The following FAM13A variants were observed in gnomAD, a reference collection of about 807,000 sequenced individuals.
FAM13A encodes family with sequence similarity 13 member A.
FAM13A carries 76 observed loss-of-function variants against 129.6 expected under a neutral mutation model. The observed-to-expected ratio is 0.59, with a 90% CI of 0.49 to 0.71. The LOEUF is 0.71. Ranked by LOEUF, FAM13A falls within the 30% of genes least tolerant of loss-of-function variation. FAM13A has a pLI of 0.00. For synonymous variants in FAM13A, 443 were observed against 449.9 expected, an observed-to-expected ratio of 0.98 and a Z score of 0.20; for missense variants, 1,108 against 1,249.3, an observed-to-expected ratio of 0.89 and a Z score of 1.70.
chr4:88,963,103 C>T (rs1324826848), intron 4 of FAM13A, among the ~76,000 whole-genome samples: 1 of 151,916 alleles, frequency 6.6e-6, no homozygotes, highest in African/African-American at 2.4e-5. Context: ...AAGCAAGTAT[C>T]ATTTTTATGA....
chr4:88,976,668 G>GTACAGTGTTTATAAAGCT (rs147022152), intron 4 of FAM13A, among the ~76,000 whole-genome samples: 3 of 150,538 alleles, frequency 2.0e-5, no homozygotes, highest in Admixed American at 6.6e-5. Flanking sequence ...TAGCCTAAGT[G>GTACAGTGTTTATAAAGCT]TACAGTAGTG....
intron 1 of FAM13A, among the ~76,000 whole-genome samples, chr4:89,052,873 G>A (rs925548931): frequency 6.6e-6 from 1 of 152,102 alleles, no homozygotes; most frequent in African/African-American, 2.4e-5. Flanking sequence ...CCATATGCCA[G>A]TCAGGAGAAA....
intron 6 of FAM13A, among the ~76,000 whole-genome samples, chr4:88,892,534 C>T (rs1745531882): frequency 6.6e-6 from 1 of 152,188 alleles, no homozygotes; most frequent in South Asian, 2.1e-4. Flanking sequence ...CAACTACTTT[C>T]ATACAAAATA....
chr4:88,862,239 TA>T (rs753291670), intron 6 of FAM13A, among the ~76,000 whole-genome samples: 2 of 152,236 alleles, frequency 1.3e-5, no homozygotes, highest in Non-Finnish European at 2.9e-5. Context: ...AATGTATTTT[TA>T]TATAATGTAT....
At chr4:88,743,235 T>C (rs1337614249) in intron 19 of FAM13A, among the ~76,000 whole-genome samples, 1 of 152,192 alleles carries the variant, frequency 6.6e-6, no homozygotes, top group Non-Finnish European at 1.5e-5. Context: ...CCAATAATTA[T>C]CCACATTTAA....
chr4:88,843,490 A>G (rs1289155433), intron 7 of FAM13A, among the ~76,000 whole-genome samples: 1 of 152,226 alleles, frequency 6.6e-6, no homozygotes, highest in Non-Finnish European at 1.5e-5. Context: ...GAACAAACAC[A>G]TGTTCAGGAA....
At chr4:88,781,846 G>T (rs899750935) in intron 10 of FAM13A, among the ~76,000 whole-genome samples, 10 of 149,954 alleles carry the variant, frequency 6.7e-5, no homozygotes, top group Non-Finnish European at 1.2e-4. Flanking sequence ...GTTGTGGGGT[G>T]GGGGGAGCGG....
intron 6 of FAM13A, among the ~76,000 whole-genome samples, chr4:88,870,565 G>A (rs1426599874): frequency 1.3e-5 from 2 of 152,230 alleles, no homozygotes; most frequent in African/African-American, 4.8e-5. Context: ...ACTGCAAGGT[G>A]AAAGCCTGGC....
In FAM13A at chr4:88,781,241, C is replaced by G. The variant is rs925386218; in HGVS notation, c.1382G>C (p.Gly461Ala). 3 of 1,612,708 alleles carry G rather than the reference C, an allele frequency of 1.9e-6. No individual in the cohort carries two copies. The highest frequency in any genetic ancestry group is 3.3e-5 in the Admixed American group (2 of 59,826). Residue 461 changes from glycine to alanine, a missense_variant, in exon 11 of 24, where the codon GGA (glycine) becomes GCA (alanine). Coordinates refer to ENST00000264344, the MANE Select transcript of FAM13A (RefSeq NM_014883.4). ...CTGACGTTTAGGCTTGCTCCTTTCT[C>G]CAGCACAACCAAAAGTATTTTTGTG... is the stretch of plus-strand genomic sequence containing the variant. ...KVHKNTFGCA[G>A]ERSKPKRQKS...
At chr4:88,814,115 T>C (rs1730189984) in intron 7 of FAM13A, among the ~76,000 whole-genome samples, 1 of 152,126 alleles carries the variant, frequency 6.6e-6, no homozygotes, top group Non-Finnish European at 1.5e-5. Flanking sequence ...CTCAAAGACA[T>C]CATGGAGGAA....
intron 2 of FAM13A, among the ~76,000 whole-genome samples, chr4:89,021,689 A>C (rs1423889656): frequency 6.6e-6 from 1 of 152,200 alleles, no homozygotes; most frequent in Non-Finnish European, 1.5e-5. Context: ...TTAGCTAGCT[A>C]AGAAGTAGAG....
chr4:88,772,172 CTG>C (rs1720801856), intron 11 of FAM13A, among the ~76,000 whole-genome samples: 1 of 152,168 alleles, frequency 6.6e-6, no homozygotes, highest in Non-Finnish European at 1.5e-5. Flanking sequence ...TACAGGAATG[CTG>C]TTAGTCAAAA....
intron 1 of FAM13A, among the ~76,000 whole-genome samples, chr4:89,056,421 T>C (rs1488013556): frequency 1.3e-5 from 2 of 152,216 alleles, no homozygotes; most frequent in Non-Finnish European, 2.9e-5. Context: ...AGTTTAAGGA[T>C]ACACAAACAT....
rs1050243083 is a variant in FAM13A, at chr4:88,914,938, G to A, written c.760-8476C>T. On this transcript the variant is annotated intron_variant, in intron 5 of 23. Transcript: ENST00000264344. ...ACATTTTCCTATTTCTGATGGATGAGGATACACATAAAAGAAGCTACATTA... is the reference window on the plus strand; with the variant it reads ...ACATTTTCCTATTTCTGATGGATGAAGATACACATAAAAGAAGCTACATTA... 6.6e-5 allele frequency among the ~76,000 whole-genome samples: 10 copies of A among 152,162 alleles called. 1 individual carries two copies. The highest frequency in any genetic ancestry group is 6.3e-3 in the Middle Eastern group (2 of 316).
At chr4:88,995,021 C>T (rs1164737453) in intron 3 of FAM13A, among the ~76,000 whole-genome samples, 1 of 152,078 alleles carries the variant, frequency 6.6e-6, no homozygotes, top group Non-Finnish European at 1.5e-5. Context: ...TGTTTACATA[C>T]ATCCAAAATG....
At chr4:88,740,651 G>GT (rs1740053911) in intron 19 of FAM13A, among the ~76,000 whole-genome samples, 2 of 152,302 alleles carry the variant, frequency 1.3e-5, no homozygotes, top group Middle Eastern at 3.4e-3. Flanking sequence ...TCTTTTACGG[G>GT]TTTTTTGAGC....
intron 15 of FAM13A, 92 bp from the exon 16 acceptor site, chr4:88,750,001 G>A (rs184016957): frequency 6.7e-5 from 92 of 1,366,194 alleles, no homozygotes; most frequent in Non-Finnish European, 8.3e-5. Flanking sequence ...TGTGGCATGC[G>A]GTGGTGGGGT....
At chr4:89,038,235 T>C (rs1769653174) in intron 1 of FAM13A, among the ~76,000 whole-genome samples, 1 of 152,210 alleles carries the variant, frequency 6.6e-6, no homozygotes, top group East Asian at 1.9e-4. Flanking sequence ...TTCCTTATGG[T>C]GATCCTTCAC....
intron 5 of FAM13A, among the ~76,000 whole-genome samples, chr4:88,925,924 G>T (rs1752073660): frequency 6.6e-6 from 1 of 152,070 alleles, no homozygotes; most frequent in Admixed American, 6.6e-5. Flanking sequence ...TTCGTGGAGG[G>T]GGTAGTATTT....
Sources: gnomAD v4.1 joint callset for allele counts (sites outside exome capture counted in the v4.1 genomes callset) on GRCh38, gnomAD v4.1.1 for gene constraint, MANE v1.5 for transcripts, NCBI Gene and HGNC (gene_info 2026-07-23, HGNC 2026-07-21) for gene names.